Variants in DMTF1 observed in about 807,000 individuals in gnomAD.
DMTF1 encodes cyclin-D-binding Myb-like transcription factor 1.
A neutral mutation model predicts 91.1 loss-of-function variants in DMTF1; 39 were observed. That is an observed-to-expected ratio of 0.43 (90% CI 0.33 to 0.56). The LOEUF (loss-of-function observed/expected upper bound fraction) is 0.56. DMTF1 is among the 20% of genes least tolerant of loss of function. The pLI, the probability that DMTF1 is intolerant of heterozygous loss-of-function variation, is 0.05. For synonymous variants in DMTF1, 338 were observed against 309.5 expected, an observed-to-expected ratio of 1.09 and a Z score of -0.97; for missense variants, 750 against 914.5, an observed-to-expected ratio of 0.82 and a Z score of 2.32.
intron 14 of DMTF1, 102 bp downstream of exon 14, chr7:87,191,129 C>A: frequency 2.7e-6 from 2 of 730,274 alleles, no homozygotes; most frequent in Non-Finnish European, 4.5e-6. Flanking sequence ...AAGTCTGAGG[C>A]CAAATGAATG....
chr7:87,181,940 G>A lies in DMTF1; in HGVS notation c.711-288G>A, dbSNP rs1797468218. ...GGGAAAGTCTGGGGCTTGCCTGGGA[G>A]ATTGTGTCAGTAACCTGAGGGGAAA... On this transcript the variant is annotated intron_variant, in intron 9 of 17. Coordinates refer to ENST00000331242, the MANE Select transcript of DMTF1 (RefSeq NM_001142327.2). 6 of 1,182,070 alleles carry A rather than the reference G, an allele frequency of 5.1e-6. No individual in the cohort carries two copies. The East Asian group carries it at 1.6e-4, about 32-fold the overall frequency. 73.2% of individuals were successfully genotyped at this position (1,182,070 alleles called of 1,614,324 possible).
At chr7:87,186,195 C>T (rs1303603090) in intron 12 of DMTF1, 1 of 524,382 alleles carries the variant, frequency 1.9e-6, no homozygotes, top group Non-Finnish European at 3.4e-6. Flanking sequence ...AATGTACACA[C>T]TTATTCTTGT....
Position 87,195,068 on chromosome 7 carries a change from C to A in DMTF1, c.2211C>A (p.Ile737=). Reference sequence around the variant, plus strand: ...AACATCATCAGGAAGAATCAAATATCATTGGATCATCCTTGGGCAGTCCTG... The same window carrying A: ...AACATCATCAGGAAGAATCAAATATAATTGGATCATCCTTGGGCAGTCCTG... ...ILQHHQEESN[I]IGSSLGSPVS... The change falls in exon 18 of 18, where the codon ATC becomes ATA. Residue 737 remains isoleucine, a synonymous_variant. Coordinates refer to ENST00000331242, the MANE Select transcript of DMTF1 (RefSeq NM_001142327.2). The A allele has an allele frequency of 2.5e-6, 4 of 1,612,224 alleles. No individual in the cohort carries two copies. Among genetic ancestry groups the A allele is most frequent in the South Asian group, 1.1e-5 (1 of 90,978 alleles).
intron 4 of DMTF1, among the ~76,000 whole-genome samples, chr7:87,169,071 T>G (rs1794494678): frequency 1.3e-5 from 2 of 152,232 alleles, no homozygotes. Flanking sequence ...AGGACATTGT[T>G]CCAATAATTA....
At chr7:87,156,794 T>C (rs1376182170) in intron 1 of DMTF1, among the ~76,000 whole-genome samples, 4 of 152,172 alleles carry the variant, frequency 2.6e-5, no homozygotes, top group African/African-American at 9.6e-5. Context: ...CCTTAGACGT[T>C]ACTAAGCAAA....
intron 1 of DMTF1, among the ~76,000 whole-genome samples, chr7:87,154,923 T>C (rs1790281434): frequency 6.6e-6 from 1 of 152,342 alleles, no homozygotes; most frequent in African/African-American, 2.4e-5. Flanking sequence ...CAAAAAATCT[T>C]ACCTTTCTAT....
chr7:87,194,631 T>G (rs1345495264), intron 16 of DMTF1, 53 bp from the exon 17 acceptor site: 1 of 1,379,136 alleles, frequency 7.3e-7, no homozygotes, highest in Non-Finnish European at 1.0e-6. Flanking sequence ...CATGGGATTT[T>G]AAGGAAGACT....
In DMTF1 at chr7:87,186,110, G is replaced by C. The variant is rs1382682876; in HGVS notation, c.1201+130G>C. ...AGATTTCTACTTACACCACTTCCCT[G>C]TTTCTCTCAGTAATTGTTTCCTTCC... On this transcript the variant is annotated intron_variant, in intron 12 of 17. Transcript: ENST00000331242. 7.7e-6 allele frequency: 7 copies of C among 914,090 alleles called. No individual in the cohort carries two copies. In the African/African-American group the frequency reaches 8.4e-5, roughly 11 times the overall value. 56.6% of individuals were successfully genotyped at this position (914,090 alleles called of 1,614,324 possible).
chr7:87,177,994 G>C (rs1394950284), intron 7 of DMTF1, among the ~76,000 whole-genome samples: 1 of 152,026 alleles, frequency 6.6e-6, no homozygotes, highest in African/African-American at 2.4e-5. Flanking sequence ...TATAAATTTA[G>C]AATCAGCTTA....
rs769855850 is a variant in DMTF1 at position 87,185,988 on chromosome 7, ATTAC to A, written c.1201+15_1201+18del. 6 of 1,613,516 alleles carry A rather than the reference ATTAC, an allele frequency of 3.7e-6. No homozygotes were observed. Among genetic ancestry groups the A allele is most frequent in the South Asian group, 3.3e-5 (3 of 91,056 alleles). On this transcript the variant is annotated intron_variant, in intron 12 of 17. Transcript: ENST00000331242. ...AGGATGTTTCGTTCCCTGGTAATGT[ATTAC>A]TTACTTTTTAAGCTCCTCCCCTTTT...
chr7:87,191,598 T>C (rs1799785640), intron 14 of DMTF1, among the ~76,000 whole-genome samples: 1 of 152,096 alleles, frequency 6.6e-6, no homozygotes, highest in South Asian at 2.1e-4. Context: ...CATGCAAATA[T>C]TACTCAGCAA....
intron 4 of DMTF1, among the ~76,000 whole-genome samples, chr7:87,170,151 T>C (rs1794748032): frequency 6.6e-6 from 1 of 152,202 alleles, no homozygotes; most frequent in Non-Finnish European, 1.5e-5. Flanking sequence ...TATCCTTGGC[T>C]CTTCAGTCTC....
In DMTF1 at chr7:87,170,976, A is replaced by T; in HGVS notation, c.233-19A>T. 6.6e-7 allele frequency: 1 copy of T among 1,519,686 alleles called. No homozygotes were observed. Among genetic ancestry groups the T allele is most frequent in the Non-Finnish European group, 9.1e-7 (1 of 1,096,386 alleles). The allele number at this position is 1,519,686 out of a possible 1,614,324, so 94.1% of individuals were successfully genotyped here. ...CTTGCCGTTATTATTCTGGAGATGA[A>T]CGGTTCCTTTTCTTGAAGTTTCAGA... On this transcript the variant is annotated intron_variant, in intron 4 of 17. Coordinates refer to ENST00000331242, the MANE Select transcript of DMTF1 (RefSeq NM_001142327.2).
chr7:87,195,263 A>G lies in DMTF1; in HGVS notation c.*123A>G. 1 of 648,594 alleles carries G rather than the reference A, an allele frequency of 1.5e-6. No individual in the cohort carries two copies. Among genetic ancestry groups the G allele is most frequent in the East Asian group, 2.7e-5 (1 of 36,522 alleles). The allele number at this position is 648,594 out of a possible 1,614,324, so 40.2% of individuals were successfully genotyped here. ...CCAATTTAAATAGCCACAGTCCTTA[A>G]GCCACACACATTGTTGCTGCTATGA... On this transcript the variant is annotated 3_prime_UTR_variant, in exon 18 of 18. Transcript: ENST00000331242.
intron 10 of DMTF1, among the ~76,000 whole-genome samples, chr7:87,182,650 A>G (rs750604489): frequency 2.6e-5 from 4 of 152,224 alleles, no homozygotes; most frequent in African/African-American, 4.8e-5. Context: ...GAAGACATAC[A>G]TGCAGCAAGT....
At chr7:87,179,053 G>A (rs946249377) in intron 7 of DMTF1, among the ~76,000 whole-genome samples, 1 of 151,732 alleles carries the variant, frequency 6.6e-6, no homozygotes, top group African/African-American at 2.4e-5. Flanking sequence ...TCTGTTAATG[G>A]TCTAATCTCT....
chr7:87,153,787 C>T (rs1584129330), intron 1 of DMTF1, among the ~76,000 whole-genome samples: 1 of 152,092 alleles, frequency 6.6e-6, no homozygotes, highest in South Asian at 2.1e-4. Flanking sequence ...TTAAATTATA[C>T]CTGTATTTTT....
At chr7:87,152,649 C>T (rs1789440559) in intron 1 of DMTF1, 94 bp downstream of exon 1, 1 of 152,902 alleles carries the variant, frequency 6.5e-6, no homozygotes, top group Non-Finnish European at 1.5e-5. Context: ...CTAGCTCCCG[C>T]CGGCTGGCGC....
intron 15 of DMTF1, 101 bp downstream of exon 15, chr7:87,193,454 C>T (rs183389575): frequency 4.1e-6 from 5 of 1,226,222 alleles, no homozygotes; most frequent in Non-Finnish European, 4.7e-6. Context: ...GTTCTTCCTA[C>T]TGCTGCTGTT....
Sources: gnomAD v4.1 joint callset for allele counts (sites outside exome capture counted in the v4.1 genomes callset) on GRCh38, gnomAD v4.1.1 for gene constraint, MANE v1.5 for transcripts, NCBI Gene and HGNC (gene_info 2026-07-23, HGNC 2026-07-21) for gene names.